The following FAM241A variants were observed in gnomAD, a reference collection of about 807,000 sequenced individuals.
The protein encoded by FAM241A is family with sequence similarity 241 member A.
In FAM241A, 7 loss-of-function variants were observed where a neutral mutation model predicts 12.2. The observed-to-expected ratio is 0.58, with a 90% CI of 0.33 to 1.08. The LOEUF (loss-of-function observed/expected upper bound fraction) is 1.08. Ranked by LOEUF, FAM241A falls within the 50% of genes least tolerant of loss-of-function variation. The pLI, the probability that FAM241A is intolerant of heterozygous loss-of-function variation, is 0.04. For synonymous variants in FAM241A, 74 were observed against 68.2 expected, an observed-to-expected ratio of 1.08 and a Z score of -0.42; for missense variants, 161 against 169.7, an observed-to-expected ratio of 0.95 and a Z score of 0.29.
intron 1 of FAM241A, among the ~76,000 whole-genome samples, chr4:112,165,501 C>A (rs1235536480): frequency 6.6e-6 from 1 of 152,146 alleles, no homozygotes; most frequent in East Asian, 1.9e-4. Context: ...TTGGAAGCAA[C>A]CTAATTGTCC....
chr4:112,181,540 A>G (rs1578379565), intron 1 of FAM241A, among the ~76,000 whole-genome samples: 1 of 152,376 alleles, frequency 6.6e-6, no homozygotes, highest in Middle Eastern at 3.4e-3. Flanking sequence ...CATGAAGTTT[A>G]TAGTACAGGT....
rs1274568884 is a variant in FAM241A at position 112,192,395 on chromosome 4, T to C, written c.*5457T>C. 1 of 152,122 alleles carries C rather than the reference T, an allele frequency of 6.6e-6. No homozygotes were observed. Among genetic ancestry groups the C allele is most frequent in the East Asian group, 1.9e-4 (1 of 5,196 alleles). 9.4% of individuals were successfully genotyped at this position (152,122 alleles called of 1,614,324 possible). A position where few individuals can be genotyped will look rare whatever the true frequency, so the allele number is the denominator to read the frequency against. ...AGTTTTAGGGTACATGTGTACAATG[T>C]GCAGGTTAGTTACATATGTATACAT... On this transcript the variant is annotated 3_prime_UTR_variant, in exon 2 of 2. Coordinates refer to ENST00000309733, the MANE Select transcript of FAM241A (RefSeq NM_152400.3).
At chr4:112,171,375 C>A in intron 1 of FAM241A, 4 of 763,364 alleles carry the variant, frequency 5.2e-6, no homozygotes, top group South Asian at 2.7e-5. Flanking sequence ...ACAAGCTAAG[C>A]CAATTTTCTG....
intron 1 of FAM241A, among the ~76,000 whole-genome samples, chr4:112,156,962 A>G (rs562746105): frequency 6.6e-6 from 1 of 152,292 alleles, no homozygotes; most frequent in East Asian, 1.9e-4. Flanking sequence ...TGAAAATAGG[A>G]TAGTAAGAAA....
chr4:112,169,081 G>A (rs955560731), intron 1 of FAM241A, among the ~76,000 whole-genome samples: 12 of 152,106 alleles, frequency 7.9e-5, no homozygotes, highest in Non-Finnish European at 1.6e-4. Flanking sequence ...CCTTGGGCTA[G>A]GTACAAACTT....
At chr4:112,170,088 A>G (rs1723685235) in intron 1 of FAM241A, among the ~76,000 whole-genome samples, 1 of 152,172 alleles carries the variant, frequency 6.6e-6, no homozygotes, top group Admixed American at 6.5e-5. Flanking sequence ...ACTACAAACT[A>G]ATTTCTTTCT....
Position 112,145,638 on chromosome 4 carries a change from G to C in FAM241A, c.58G>C (p.Gly20Arg), listed in dbSNP as rs1393860778. Residue 20 changes from glycine to arginine, a missense_variant, in exon 1 of 2, where the codon GGG becomes CGG. Gly to Arg is a moderately radical substitution (Grantham distance 125). Coordinates refer to ENST00000309733, the MANE Select transcript of FAM241A (RefSeq NM_152400.3). ...GGDGGERDED[G>R]DALAEREAAG... Reference sequence around the variant, plus strand: ...CGACGGCGGGGAACGCGACGAGGACGGGGACGCGCTGGCGGAGCGGGAGGC... The same window carrying C: ...CGACGGCGGGGAACGCGACGAGGACCGGGACGCGCTGGCGGAGCGGGAGGC... 6 of 1,223,542 alleles carry C rather than the reference G, an allele frequency of 4.9e-6. No homozygotes were observed. Among genetic ancestry groups the C allele is most frequent in the Middle Eastern group, 3.2e-4 (1 of 3,130 alleles). The allele number at this position is 1,223,542 out of a possible 1,614,324, so 75.8% of individuals were successfully genotyped here.
intron 1 of FAM241A, among the ~76,000 whole-genome samples, chr4:112,178,791 A>T (rs1723871222): frequency 6.6e-6 from 1 of 152,214 alleles, no homozygotes; most frequent in African/African-American, 2.4e-5. Context: ...ATCAACAAGC[A>T]AAAAACAAAT....
chr4:112,165,415 A>G (rs1437962954), intron 1 of FAM241A, among the ~76,000 whole-genome samples: 1 of 152,172 alleles, frequency 6.6e-6, no homozygotes, highest in African/African-American at 2.4e-5. Flanking sequence ...ATATCTCCAA[A>G]AGAAAGGAAA....
At chr4:112,162,487 A>G (rs1022110465) in intron 1 of FAM241A, among the ~76,000 whole-genome samples, 1 of 152,222 alleles carries the variant, frequency 6.6e-6, no homozygotes, top group Non-Finnish European at 1.5e-5. Flanking sequence ...TCAATGTGCA[A>G]AAATCACAAG....
At position 112,192,681 on chromosome 4, in the gene FAM241A, CT is replaced by C. The variant is rs1317026347; in HGVS notation, c.*5749del. 6.0e-5 allele frequency: 9 copies of C among 150,878 alleles called. No individual in the cohort carries two copies. Among genetic ancestry groups the C allele is most frequent in the African/African-American group, 2.2e-4 (9 of 40,872 alleles). 9.3% of individuals were successfully genotyped at this position (150,878 alleles called of 1,614,324 possible). On this transcript the variant is annotated 3_prime_UTR_variant, in exon 2 of 2. Transcript: ENST00000309733. ...TCCCTACAAAGGACATGAACTCATC[CT>C]TTTTTATGGCTGCATAGTATTCCAT... is the stretch of plus-strand genomic sequence containing the variant.
At position 112,191,782 on chromosome 4, in the gene FAM241A, G is replaced by C. The variant is rs1348551615; in HGVS notation, c.*4844G>C. The C allele has an allele frequency of 1.3e-5, 2 of 152,110 alleles. No individual in the cohort carries two copies. The highest frequency in any genetic ancestry group is 6.5e-5 in the Admixed American group (1 of 15,272). The allele number at this position is 152,110 out of a possible 1,614,324, so 9.4% of individuals were successfully genotyped here. On this transcript the variant is annotated 3_prime_UTR_variant, in exon 2 of 2. Coordinates refer to ENST00000309733, the MANE Select transcript of FAM241A (RefSeq NM_152400.3). ...GTGCAACCCTGTGCTTTCCAGGTCA[G>C]CACTTCTCATGCTATATTGCAATAG... is the stretch of plus-strand genomic sequence containing the variant.
In FAM241A at chr4:112,170,776, AGG is replaced by A. The variant is rs765791573; in HGVS notation, c.154-15913_154-15912del. On this transcript the variant is annotated intron_variant, in intron 1 of 1. Transcript: ENST00000309733. ...AAACTGGGAAAAGAGAAACTGGATA[AGG>A]GGGACTACTGTAGTATGAAGGCAAG... 4.9e-4 allele frequency among the ~76,000 whole-genome samples: 74 copies of A among 152,132 alleles called. 1 individual carries two copies. The highest frequency in any genetic ancestry group is 9.6e-4 in the Non-Finnish European group (65 of 68,022).
At chr4:112,160,459 T>G (rs1723440944) in intron 1 of FAM241A, among the ~76,000 whole-genome samples, 1 of 150,228 alleles carries the variant, frequency 6.7e-6, no homozygotes, top group Non-Finnish European at 1.5e-5. Flanking sequence ...AGAATCAATA[T>G]TGTTGAAATG....
Position 112,189,370 on chromosome 4 carries a change from CAAAAAAAAA to C in FAM241A, c.*2449_*2457del, listed in dbSNP as rs542269288. 17 of 78,448 alleles carry C rather than the reference CAAAAAAAAA, an allele frequency of 2.2e-4. No homozygotes were observed. Among genetic ancestry groups the C allele is most frequent in the African/African-American group, 6.1e-4 (12 of 19,686 alleles). 4.9% of individuals were successfully genotyped at this position (78,448 alleles called of 1,614,324 possible). A position where few individuals can be genotyped will look rare whatever the true frequency, so the allele number is the denominator to read the frequency against. ...TGGGTAACAGAGTGAGACCCCATCT[CAAAAAAAAA>C]AAAAAAAAAAAAAAAATTGGATTGA... On this transcript the variant is annotated 3_prime_UTR_variant, in exon 2 of 2. Transcript: ENST00000309733.
At chr4:112,148,571 G>C (rs1445349312) in intron 1 of FAM241A, among the ~76,000 whole-genome samples, 1 of 152,174 alleles carries the variant, frequency 6.6e-6, no homozygotes, top group African/African-American at 2.4e-5. Context: ...TTGGGAGAAT[G>C]AATCAAGTCC....
rs943457290 is a variant in FAM241A, at chr4:112,188,670, T to A, written c.*1732T>A. 2 of 152,150 alleles carry A rather than the reference T, an allele frequency of 1.3e-5. No individual in the cohort carries two copies. Among genetic ancestry groups the A allele is most frequent in the African/African-American group, 4.8e-5 (2 of 41,444 alleles). The allele number at this position is 152,150 out of a possible 1,614,324, so 9.4% of individuals were successfully genotyped here. A position where few individuals can be genotyped will look rare whatever the true frequency, so the allele number is the denominator to read the frequency against. ...AATAGATGTCATGAGATTTTGTATA[T>A]CTACATAAAATATCAGTACATTTTT... On this transcript the variant is annotated 3_prime_UTR_variant, in exon 2 of 2. Transcript: ENST00000309733.
At chr4:112,167,356 G>A (rs1723620562) in intron 1 of FAM241A, among the ~76,000 whole-genome samples, 1 of 152,126 alleles carries the variant, frequency 6.6e-6, no homozygotes, top group African/African-American at 2.4e-5. Context: ...AGACCAAAGA[G>A]AAAAAGGGAG....
At chr4:112,150,629 A>T (rs1188134523) in intron 1 of FAM241A, among the ~76,000 whole-genome samples, 1 of 151,648 alleles carries the variant, frequency 6.6e-6, no homozygotes, top group African/African-American at 2.4e-5. Flanking sequence ...TGATCTGTAA[A>T]AAAGAAAACA....
Sources: gnomAD v4.1 joint callset for allele counts (sites outside exome capture counted in the v4.1 genomes callset) on GRCh38, gnomAD v4.1.1 for gene constraint, MANE v1.5 for transcripts, NCBI Gene and HGNC (gene_info 2026-07-23, HGNC 2026-07-21) for gene names.